The following SORCS1 variants were observed in gnomAD, a reference collection of about 807,000 sequenced individuals.
The protein encoded by SORCS1 is sortilin related VPS10 domain containing receptor 1.
Under a neutral mutation model 146.1 loss-of-function variants are expected in SORCS1, and 60 were observed. The observed-to-expected ratio is 0.41, with a 90% CI of 0.33 to 0.51. The LOEUF (loss-of-function observed/expected upper bound fraction) is 0.51, where lower values mean the gene tolerates loss of function less well. Ranked by LOEUF, SORCS1 falls within the 20% of genes least tolerant of loss-of-function variation. The pLI, the probability that SORCS1 is intolerant of heterozygous loss-of-function variation, is 0.21. For missense variants in SORCS1, 1,352 were observed against 1,487.6 expected (o/e 0.91, Z 1.50); for synonymous variants, 637 against 584.0 (o/e 1.09, Z -1.31).
chr10:106,994,714 A>G (rs1461911716), intron 1 of SORCS1, among the ~76,000 whole-genome samples: 2 of 152,222 alleles, frequency 1.3e-5, no homozygotes, highest in Non-Finnish European at 2.9e-5. Context: ...GAATGTGAAA[A>G]TACTGGTGAA....
chr10:106,687,150 T>C (rs1852911930), intron 10 of SORCS1, among the ~76,000 whole-genome samples: 1 of 152,186 alleles, frequency 6.6e-6, no homozygotes, highest in East Asian at 1.9e-4. Flanking sequence ...CACTCATTAC[T>C]TATCTGTGTG....
chr10:106,583,744 A>G (rs1183918230), intron 24 of SORCS1, among the ~76,000 whole-genome samples: 1 of 151,702 alleles, frequency 6.6e-6, no homozygotes, highest in Admixed American at 6.6e-5. Flanking sequence ...GCTAACCTTG[A>G]GTGATCCACC....
chr10:106,831,335 C>T (rs2137024619), intron 2 of SORCS1, among the ~76,000 whole-genome samples: 1 of 152,298 alleles, frequency 6.6e-6, no homozygotes, highest in Non-Finnish European at 1.5e-5. Flanking sequence ...ACTCCTAAGA[C>T]TTACCAGACA....
intron 2 of SORCS1, among the ~76,000 whole-genome samples, chr10:106,878,890 G>C (rs1950706436): frequency 6.6e-6 from 1 of 151,612 alleles, no homozygotes; most frequent in South Asian, 2.1e-4. Context: ...ACTCGTACCT[G>C]TAATCCCAGC....
chr10:106,609,334 A>G (rs1846818359), intron 22 of SORCS1, among the ~76,000 whole-genome samples: 1 of 152,254 alleles, frequency 6.6e-6, no homozygotes. Context: ...CATTCAATTA[A>G]AGATTTCATT....
chr10:106,816,480 AT>A (rs1484139326), intron 3 of SORCS1, among the ~76,000 whole-genome samples: 1 of 152,210 alleles, frequency 6.6e-6, no homozygotes, highest in East Asian at 1.9e-4. Context: ...GCCATAGAGC[AT>A]ACCCAGCTAT....
At chr10:106,993,976 G>T (rs367929982) in intron 1 of SORCS1, among the ~76,000 whole-genome samples, 1 of 146,902 alleles carries the variant, frequency 6.8e-6, no homozygotes, top group Non-Finnish European at 1.5e-5. Context: ...CGGGAGGATC[G>T]CTTGAGCCTG....
the SORCS1 span, among the ~76,000 whole-genome samples, chr10:107,177,622 T>C: frequency 6.6e-6 from 1 of 152,228 alleles, no homozygotes; most frequent in Admixed American, 6.5e-5. Flanking sequence ...GATTTATTTA[T>C]ATATTGTGCC....
intron 18 of SORCS1, among the ~76,000 whole-genome samples, chr10:106,639,956 C>T (rs752550157): frequency 4.6e-5 from 7 of 151,610 alleles, no homozygotes; most frequent in African/African-American, 1.2e-4. Context: ...AGGTGGAGGT[C>T]GCAGTGAGCC....
intron 5 of SORCS1, among the ~76,000 whole-genome samples, chr10:106,747,513 G>T (rs1278243589): frequency 6.6e-6 from 1 of 152,098 alleles, no homozygotes; most frequent in Non-Finnish European, 1.5e-5. Context: ...TCTTACAGTT[G>T]GTTTTAGAAT....
intron 2 of SORCS1, among the ~76,000 whole-genome samples, chr10:106,872,494 G>A (rs951182971): frequency 6.6e-6 from 1 of 152,172 alleles, no homozygotes; most frequent in Non-Finnish European, 1.5e-5. Flanking sequence ...AGAAAGGGGA[G>A]AACATGACTT....
chr10:106,995,313 CAA>C (rs369510454), intron 1 of SORCS1, among the ~76,000 whole-genome samples: 11 of 118,250 alleles, frequency 9.3e-5, no homozygotes, highest in Non-Finnish European at 1.1e-4. Flanking sequence ...GACTCCATCT[CAA>C]AAAAAAAAAA....
At position 106,806,505 on chromosome 10, in the gene SORCS1, CTTTTTTTTTTTTTTTT is replaced by C. The variant is rs1191296212; in HGVS notation, c.726+23053_726+23068del. Reference sequence around the variant, plus strand: ...CAGCCCTTCTGATGAGAGAGGAAGCCTTTTTTTTTTTTTTTTTTTTTTTTTTTTGAGATGGAGTCTT... The same window carrying C: ...CAGCCCTTCTGATGAGAGAGGAAGCCTTTTTTTTTTTTGAGATGGAGTCTT... On this transcript the variant is annotated intron_variant, in intron 3 of 25. Coordinates refer to ENST00000263054, the MANE Select transcript of SORCS1 (RefSeq NM_052918.5). 1.8e-4 allele frequency among the ~76,000 whole-genome samples: 13 copies of C among 70,468 alleles called. 1 individual carries two copies. The highest frequency in any genetic ancestry group is 2.7e-5 in the Non-Finnish European group (1 of 36,522). 46.2% of individuals were successfully genotyped at this position (70,468 alleles called of 152,430 possible). A position where few individuals can be genotyped will look rare whatever the true frequency, so the allele number is the denominator to read the frequency against.
intron 2 of SORCS1, among the ~76,000 whole-genome samples, chr10:106,830,794 G>T (rs1042186194): frequency 9.9e-5 from 15 of 151,906 alleles, no homozygotes; most frequent in African/African-American, 3.4e-4. Context: ...TACTTGGGAG[G>T]CTGAGGCACA....
At chr10:106,914,362 G>T (rs933044897) in intron 2 of SORCS1, among the ~76,000 whole-genome samples, 1 of 151,722 alleles carries the variant, frequency 6.6e-6, no homozygotes, top group Non-Finnish European at 1.5e-5. Flanking sequence ...CTGGATTTCC[G>T]GGGGGTGATT....
At chr10:106,617,122 A>G (rs1458428110) in intron 21 of SORCS1, among the ~76,000 whole-genome samples, 1 of 151,738 alleles carries the variant, frequency 6.6e-6, no homozygotes, top group South Asian at 2.1e-4. Flanking sequence ...GCCTGGCTAA[A>G]TTTTATATTT....
In SORCS1 at chr10:107,006,540, G is replaced by A. The variant is rs533363243; in HGVS notation, c.559-49960C>T. 5.9e-5 allele frequency among the ~76,000 whole-genome samples: 9 copies of A among 152,300 alleles called. No individual in the cohort carries two copies. The East Asian group carries it at 9.7e-4, about 16-fold the overall frequency. On this transcript the variant is annotated intron_variant, in intron 1 of 25. Coordinates refer to ENST00000263054, the MANE Select transcript of SORCS1 (RefSeq NM_052918.5). The stretch of plus-strand genomic sequence containing the variant: ...AACATGAAAATAGTAACTTTCCACC[G>A]GGCATGGTGGCTCACGCCTGTAATC...
intron 1 of SORCS1, among the ~76,000 whole-genome samples, chr10:107,135,035 G>T (rs1206281597): frequency 3.3e-5 from 5 of 152,142 alleles, no homozygotes; most frequent in Admixed American, 2.0e-4. Context: ...TGAACACAGG[G>T]CCTAACACAT....
At chr10:106,843,659 T>A (rs1473882780) in intron 2 of SORCS1, among the ~76,000 whole-genome samples, 4 of 152,064 alleles carry the variant, frequency 2.6e-5, no homozygotes, top group African/African-American at 9.7e-5. Context: ...ATGGTCTCCA[T>A]CTCCTGACCT....
Sources: gnomAD v4.1 joint callset for allele counts (sites outside exome capture counted in the v4.1 genomes callset) on GRCh38, gnomAD v4.1.1 for gene constraint, MANE v1.5 for transcripts, NCBI Gene and HGNC (gene_info 2026-07-23, HGNC 2026-07-21) for gene names.